Variants in MACROD1 observed in about 807,000 individuals in gnomAD.
MACROD1 encodes the protein mono-ADP ribosylhydrolase 1.
A neutral mutation model predicts 41.4 loss-of-function variants in MACROD1; 31 were observed. That is an observed-to-expected ratio of 0.75 (90% CI 0.56 to 1.01). The LOEUF (loss-of-function observed/expected upper bound fraction) is 1.01. Ranked by LOEUF, MACROD1 falls within the 50% of genes least tolerant of loss-of-function variation. The probability of loss-of-function intolerance (pLI) is 0.00; values close to 1 mark genes in which losing one functional copy is unlikely to be tolerated. For synonymous variants in MACROD1, 252 were observed against 203.4 expected, an observed-to-expected ratio of 1.24 and a Z score of -2.03; for missense variants, 473 against 460.0, an observed-to-expected ratio of 1.03 and a Z score of -0.26.
chr11:64,010,321 T>TTTGGGGTGTTGG (rs1198464213), intron 4 of MACROD1, among the ~76,000 whole-genome samples: 1 of 114,494 alleles, frequency 8.7e-6, no homozygotes, highest in African/African-American at 3.8e-5. Context: ...TGGTATGTTG[T>TTTGGGGTGTTGG]TTGGGGTGTT....
intron 3 of MACROD1, among the ~76,000 whole-genome samples, chr11:64,137,888 T>C (rs1945354007): frequency 6.6e-6 from 1 of 152,264 alleles, no homozygotes; most frequent in Non-Finnish European, 1.5e-5. Context: ...TTTTTGTTCC[T>C]GTTTTAATGG....
intron 1 of MACROD1, among the ~76,000 whole-genome samples, chr11:64,162,722 G>T (rs1945774692): frequency 6.6e-6 from 1 of 151,974 alleles, no homozygotes; most frequent in African/African-American, 2.4e-5. Context: ...GGCTGAGGCA[G>T]GAGAATGGCA....
intron 3 of MACROD1, among the ~76,000 whole-genome samples, chr11:64,076,249 G>A (rs2701547): frequency 0.027 from 4,136 of 152,238 alleles, 182 homozygotes; most frequent in African/African-American, 0.092. Context: ...AGACCCTCCA[G>A]CCCTCACCAG....
At chr11:64,139,727 C>T (rs184022927) in intron 3 of MACROD1, among the ~76,000 whole-genome samples, 3 of 151,910 alleles carry the variant, frequency 2.0e-5, no homozygotes, top group African/African-American at 4.8e-5. Flanking sequence ...GAGGTGGAGG[C>T]GGGCGGATCA....
chr11:64,084,940 C>T (rs186255699), intron 3 of MACROD1, among the ~76,000 whole-genome samples: 196 of 152,316 alleles, frequency 1.3e-3, no homozygotes, highest in African/African-American at 4.5e-3. Context: ...TGCTGCCCTC[C>T]CACAACAAGG....
chr11:64,117,305 G>C lies in MACROD1; in HGVS notation c.517+33934C>G, dbSNP rs528270608. ...GGCTGCGGGACTGGGTGAAGGCACG[G>C]GCGGCCGTGGTCAACGTGCGGGGCC... On this transcript the variant is annotated intron_variant, in intron 3 of 10. Coordinates refer to ENST00000255681, the MANE Select transcript of MACROD1 (RefSeq NM_014067.4). 7 of 1,614,144 alleles carry C rather than the reference G, an allele frequency of 4.3e-6. No homozygotes were observed. The South Asian group carries it at 6.6e-5, about 15-fold the overall frequency.
intron 3 of MACROD1, among the ~76,000 whole-genome samples, chr11:64,021,911 A>G: frequency 8.6e-6 from 1 of 116,400 alleles, no homozygotes; most frequent in African/African-American, 3.2e-5. Flanking sequence ...CGAGAAGGAA[A>G]TGCAAGGGAG....
rs529968933 is a variant in MACROD1 at position 64,089,855 on chromosome 11, G to A, written c.517+61384C>T. On this transcript the variant is annotated intron_variant, in intron 3 of 10. Coordinates refer to ENST00000255681, the MANE Select transcript of MACROD1 (RefSeq NM_014067.4). ...CTGCCCCCAGGGAAAGAATGAGGAG[G>A]ATGATGGTGCTGGAGTCGAGACCAG... Among the ~76,000 whole-genome samples the A allele has an allele frequency of 1.4e-4, 22 of 152,322 alleles. 1 individual carries two copies. The South Asian group carries it at 4.1e-3, about 29-fold the overall frequency.
intron 3 of MACROD1, among the ~76,000 whole-genome samples, chr11:64,038,876 A>T (rs1943432143): frequency 6.6e-6 from 1 of 152,094 alleles, no homozygotes; most frequent in Admixed American, 6.6e-5. Context: ...TCGGCAAGTG[A>T]CCCGTCTTCC....
chr11:64,048,165 G>A (rs1590836712), intron 3 of MACROD1, among the ~76,000 whole-genome samples: 2 of 152,338 alleles, frequency 1.3e-5, no homozygotes, highest in East Asian at 1.9e-4. Flanking sequence ...CTGCCTCTCT[G>A]GCCCACTGGC....
chr11:64,113,937 CGGATGGATGGAT>C (rs562555774), intron 3 of MACROD1, among the ~76,000 whole-genome samples: 3 of 66,520 alleles, frequency 4.5e-5, no homozygotes, highest in African/African-American at 1.8e-4. Flanking sequence ...GATTGATGCA[CGGATGGATGGAT>C]GGATGGATGG....
In MACROD1 at chr11:64,067,028, G is replaced by A. The variant is rs1372789097; in HGVS notation, c.518-51747C>T. ...CGCTAGGCAGTCCCTGGGGAGATTGGATGAGGGGCTCAGGGACCCCCCATG... is the reference window on the plus strand; with the variant it reads ...CGCTAGGCAGTCCCTGGGGAGATTGAATGAGGGGCTCAGGGACCCCCCATG... On this transcript the variant is annotated intron_variant, in intron 3 of 10. Coordinates refer to ENST00000255681, the MANE Select transcript of MACROD1 (RefSeq NM_014067.4). This position sits in a 1 kb window ranked among gnomAD's most constrained non-coding sequence, Gnocchi z 4.6. Among the ~76,000 whole-genome samples, 1 of 152,212 alleles carries A rather than the reference G, an allele frequency of 6.6e-6. No individual in the cohort carries two copies. The highest frequency in any genetic ancestry group is 2.4e-5 in the African/African-American group (1 of 41,434).
intron 1 of MACROD1, among the ~76,000 whole-genome samples, chr11:64,153,550 C>G (rs1945617934): frequency 6.6e-6 from 1 of 152,164 alleles, no homozygotes; most frequent in South Asian, 2.1e-4. Context: ...GCCAGAGTCA[C>G]TTCATCATCC....
Position 64,139,301 on chromosome 11 carries a change from G to A in MACROD1, c.517+11938C>T, listed in dbSNP as rs975221793. Among the ~76,000 whole-genome samples the A allele has an allele frequency of 2.0e-4, 30 of 152,158 alleles. 1 individual carries two copies. The highest frequency in any genetic ancestry group is 1.5e-4 in the Non-Finnish European group (10 of 68,022). On this transcript the variant is annotated intron_variant, in intron 3 of 10. Transcript: ENST00000255681. ...ACACCCGGCGCGGATATAAACAGCC[G>A]CGTCCCTGCCCCTGCCAGGAGTGGA...
intron 3 of MACROD1, among the ~76,000 whole-genome samples, chr11:64,100,572 G>A (rs182974986): frequency 7.2e-5 from 11 of 152,162 alleles, no homozygotes; most frequent in Admixed American, 5.9e-4. Flanking sequence ...TGGCTCTGGC[G>A]GGAGGTGTCT....
chr11:64,058,731 CCTCCTGCTTGCCAGCGGCAGCTT>C (rs1379261868), intron 3 of MACROD1, among the ~76,000 whole-genome samples: 2 of 152,282 alleles, frequency 1.3e-5, no homozygotes, highest in Non-Finnish European at 2.9e-5. Context: ...AATTACCTCG[CCTCCTGCTTGCCAGCGGCAGCTT>C]CTAGGGTGGC....
At position 64,036,963 on chromosome 11, in the gene MACROD1, G is replaced by A. The variant is rs1168258127; in HGVS notation, c.518-21682C>T. On this transcript the variant is annotated intron_variant, in intron 3 of 10. Transcript: ENST00000255681. The surrounding 1 kb of genome is among the most constrained non-coding windows in gnomAD (Gnocchi z 5.6). ...TGGTTGATCAGAGCTCCCCGAGGAG[G>A]AGAAAGTTGTGGAACAGGGACACCA... is the stretch of plus-strand genomic sequence containing the variant. Among the ~76,000 whole-genome samples the A allele has an allele frequency of 1.3e-5, 2 of 152,230 alleles. No individual in the cohort carries two copies. The highest frequency in any genetic ancestry group is 4.1e-4 in the South Asian group (2 of 4,828).
intron 4 of MACROD1, 135 bp from the exon 5 acceptor site, chr11:64,000,478 C>T (rs1211163445): frequency 3.3e-5 from 17 of 512,096 alleles, no homozygotes; most frequent in Non-Finnish European, 3.3e-6. Flanking sequence ...GGCCTCCGGC[C>T]GCGGCCGCTG....
At chr11:64,063,745 G>A (rs143266298) in intron 3 of MACROD1, among the ~76,000 whole-genome samples, 5 of 152,178 alleles carry the variant, frequency 3.3e-5, no homozygotes, top group South Asian at 2.1e-4. Context: ...GGGCAGCCAC[G>A]CGGTCCTCGC....
Sources: allele counts gnomAD v4.1 joint callset (sites outside exome capture counted in the v4.1 genomes callset), GRCh38; gene constraint gnomAD v4.1.1; non-coding constraint Gnocchi (gnomAD v3.1); transcripts MANE v1.5; gene names NCBI Gene and HGNC (gene_info 2026-07-23, HGNC 2026-07-21).